The following KMT2C variants were observed in gnomAD, a reference collection of about 807,000 sequenced individuals.
The protein encoded by KMT2C is lysine methyltransferase 2C.
Under a neutral mutation model 507.9 loss-of-function variants are expected in KMT2C, and 88 were observed. The observed-to-expected ratio is 0.17, with a 90% confidence interval of 0.15 to 0.21. KMT2C has a LOEUF of 0.21. KMT2C is among the 10% of genes least tolerant of loss of function. KMT2C has a pLI of 1.00. For missense variants in KMT2C, 4,954 were observed against 5,957.8 expected (o/e 0.83, Z 5.55); for synonymous variants, 2,049 against 2,080.8 (o/e 0.98, Z 0.42).
Position 152,300,694 on chromosome 7 carries a change from T to C in KMT2C, c.849+9272A>G, listed in dbSNP as rs543566974. Among the ~76,000 whole-genome samples the C allele has an allele frequency of 1.6e-4, 24 of 152,334 alleles. 1 individual carries two copies. The South Asian group carries it at 4.1e-3, about 26-fold the overall frequency. On this transcript the variant is annotated intron_variant, in intron 6 of 58. Transcript: ENST00000262189. ...AGTCCTTCTAGCAAATCTCCAAACA[T>C]GGAGGCAGTCTTGTGGACCCCTGAC... is the stretch of plus-strand genomic sequence containing the variant.
intron 6 of KMT2C, among the ~76,000 whole-genome samples, chr7:152,277,668 G>C (rs1291089777): frequency 6.6e-6 from 1 of 151,858 alleles, no homozygotes; most frequent in Admixed American, 6.6e-5. Flanking sequence ...AAGGATAAAA[G>C]GAAAATTCTT....
intron 33 of KMT2C, 21 bp from the exon 34 acceptor site, chr7:152,185,652 A>G (rs772083350): frequency 1.9e-6 from 3 of 1,560,072 alleles, no homozygotes; most frequent in Non-Finnish European, 1.8e-6. Flanking sequence ...AGAACAGAGT[A>G]TAACACTTTC....
intron 2 of KMT2C, among the ~76,000 whole-genome samples, chr7:152,346,650 AC>A (rs571479132): frequency 5.3e-5 from 8 of 152,042 alleles, no homozygotes; most frequent in African/African-American, 1.9e-4. Flanking sequence ...AGGGGCTCCA[AC>A]CCCCCCACCA....
At chr7:152,168,148 GA>G (rs943133195) in intron 41 of KMT2C, among the ~76,000 whole-genome samples, 62 of 143,262 alleles carry the variant, frequency 4.3e-4, no homozygotes, top group East Asian at 6.0e-4. Context: ...AGTCCAAGGG[GA>G]AAAAAAAAAA....
intron 1 of KMT2C, among the ~76,000 whole-genome samples, chr7:152,363,334 AAAG>A (rs928365653): frequency 4.4e-4 from 67 of 152,144 alleles, no homozygotes; most frequent in African/African-American, 1.6e-3. Flanking sequence ...ATGTGAAGTA[AAAG>A]AATACAACTA....
chr7:152,220,506 A>G lies in KMT2C; in HGVS notation c.3712+17T>C. 6.4e-7 allele frequency: 1 copy of G among 1,556,928 alleles called. No homozygotes were observed. The highest frequency in any genetic ancestry group is 8.9e-7 in the Non-Finnish European group (1 of 1,129,786). ...AATTCTTGCACACATATTTCATGGA[A>G]AATAAATTAGTATTACCTCGACTAT... On this transcript the variant is annotated intron_variant, in intron 23 of 58. Coordinates refer to ENST00000262189, the MANE Select transcript of KMT2C (RefSeq NM_170606.3).
chr7:152,340,518 C>G (rs1227038678), intron 2 of KMT2C, among the ~76,000 whole-genome samples: 1 of 152,020 alleles, frequency 6.6e-6, no homozygotes, highest in Non-Finnish European at 1.5e-5. Context: ...TACTGTAAAG[C>G]TAAAACATTA....
rs188806868 is a variant in KMT2C, at chr7:152,367,753, A to G, written c.162-9078T>C. The G allele has an allele frequency of 1.0e-5, 11 of 1,072,888 alleles. No individual in the cohort carries two copies. The African/African-American group carries it at 1.7e-4, about 17-fold the overall frequency. The allele number at this position is 1,072,888 out of a possible 1,614,324, so 66.5% of individuals were successfully genotyped here. ...TGGCAGCCTCTTATCGATTACATTG[A>G]TAGTAAATCTGAGGACTACCTAAAT... On this transcript the variant is annotated intron_variant, in intron 1 of 58. Coordinates refer to ENST00000262189, the MANE Select transcript of KMT2C (RefSeq NM_170606.3).
chr7:152,426,049 G>T (rs1433356505), intron 1 of KMT2C, among the ~76,000 whole-genome samples: 1 of 152,058 alleles, frequency 6.6e-6, no homozygotes, highest in East Asian at 1.9e-4. Context: ...ACAACTCCTA[G>T]GGAATTGCTT....
intron 40 of KMT2C, among the ~76,000 whole-genome samples, chr7:152,169,930 G>T (rs1239620491): frequency 6.6e-6 from 1 of 152,142 alleles, no homozygotes; most frequent in African/African-American, 2.4e-5. Flanking sequence ...GACTGAACAA[G>T]CAGTTATTAA....
chr7:152,151,542 T>C lies in KMT2C; in HGVS notation c.12566A>G (p.Glu4189Gly), dbSNP rs776221339. The change falls in exon 50 of 59, where the codon GAA becomes GGA. Residue 4189 changes from glutamate to glycine, a missense_variant. Around this residue, in one of 29 missense-constraint regions of KMT2C, gnomAD observed 417 missense variants for 461.1 expected, o/e 0.90. Transcript: ENST00000262189. ...CCACTGTGGTCTGAGTGCTGCGCTTTCTGCAATACCATGACTAGAATCCTT... is the reference window on the plus strand; with the variant it reads ...CCACTGTGGTCTGAGTGCTGCGCTTCCTGCAATACCATGACTAGAATCCTT... Reference protein sequence around the residue: ...GYKDSSHGIAESAALRPQWCC... With the variant: ...GYKDSSHGIAGSAALRPQWCC... 5.0e-6 allele frequency: 8 copies of C among 1,614,062 alleles called. No homozygotes were observed. The highest frequency in any genetic ancestry group is 2.5e-6 in the Non-Finnish European group (3 of 1,180,004).
intron 37 of KMT2C, 80 bp from the exon 38 acceptor site, chr7:152,178,090 AG>A: frequency 7.6e-7 from 1 of 1,307,604 alleles, no homozygotes; most frequent in Non-Finnish European, 9.8e-7. Flanking sequence ...AAAAAAGAAA[AG>A]TCTTCAATTA....
At chr7:152,226,975 A>G (rs1164444700) in intron 18 of KMT2C, among the ~76,000 whole-genome samples, 1 of 152,188 alleles carries the variant, frequency 6.6e-6, no homozygotes, top group Non-Finnish European at 1.5e-5. Flanking sequence ...CAGAATTTTA[A>G]AAATATTTAT....
At position 152,145,221 on chromosome 7, in the gene KMT2C, G is replaced by A. The variant is rs764850915; in HGVS notation, c.14106C>T (p.Ala4702=). 2.9e-5 allele frequency: 46 copies of A among 1,613,956 alleles called. No individual in the cohort carries two copies. The highest frequency in any genetic ancestry group is 5.3e-5 in the African/African-American group (4 of 74,908). Reference sequence around the variant, plus strand: ...AACGGGCACAACCTGTGGGGTTAACGGCAAGAGGAAGTTCCATGAGAGGAT... The same window carrying A: ...AACGGGCACAACCTGTGGGGTTAACAGCAAGAGGAAGTTCCATGAGAGGAT... The part of the protein sequence containing the change: ...GRNPLMELPL[A]VNPTGCARSE... The change falls in exon 54 of 59, where the codon GCC becomes GCT. Residue 4702 remains alanine, a synonymous_variant. Coordinates refer to ENST00000262189, the MANE Select transcript of KMT2C (RefSeq NM_170606.3).
intron 6 of KMT2C, among the ~76,000 whole-genome samples, chr7:152,290,472 G>T (rs1757682413): frequency 1.3e-5 from 2 of 150,278 alleles, no homozygotes; most frequent in African/African-American, 4.9e-5. Context: ...ACCATGCCCG[G>T]CTGATTTTTG....
intron 22 of KMT2C, among the ~76,000 whole-genome samples, chr7:152,221,182 G>A (rs80095281): frequency 1.1e-4 from 16 of 152,138 alleles, no homozygotes; most frequent in African/African-American, 1.7e-4. Context: ...GCTTGAACCC[G>A]GGAGGCAGAG....
chr7:152,227,935 G>T (rs2129149707), intron 18 of KMT2C, among the ~76,000 whole-genome samples: 1 of 152,272 alleles, frequency 6.6e-6, no homozygotes, highest in East Asian at 1.9e-4. Context: ...TCCCAGAAAG[G>T]CCAAGTCTTA....
intron 42 of KMT2C, among the ~76,000 whole-genome samples, chr7:152,164,315 A>G (rs1223458854): frequency 1.4e-5 from 2 of 147,958 alleles, no homozygotes; most frequent in Non-Finnish European, 3.0e-5. Flanking sequence ...TTTGAGACGG[A>G]GTCTCGCTCT....
intron 1 of KMT2C, among the ~76,000 whole-genome samples, chr7:152,400,490 T>C (rs2097565999): frequency 6.6e-6 from 1 of 152,042 alleles, no homozygotes; most frequent in African/African-American, 2.4e-5. Context: ...ATGAAACACA[T>C]CACCCACAAA....
Sources: gnomAD v4.1 joint callset for allele counts (sites outside exome capture counted in the v4.1 genomes callset) on GRCh38, gnomAD v4.1.1 for gene constraint, gnomAD v4.1.1 regional missense constraint, MANE v1.5 for transcripts, NCBI Gene and HGNC (gene_info 2026-07-23, HGNC 2026-07-21) for gene names.